Variants in GJA1 observed in about 807,000 individuals in gnomAD.
The protein encoded by GJA1 is gap junction alpha-1 protein.
A neutral mutation model predicts 31.0 loss-of-function variants in GJA1; 9 were observed. The ratio of observed to expected loss-of-function variants is 0.29; its 90% confidence interval spans 0.17 to 0.51. The LOEUF (loss-of-function observed/expected upper bound fraction) is 0.51. Among genes scored for constraint, GJA1 ranks in the 20% least tolerant of loss-of-function variants. The pLI, the probability that GJA1 is intolerant of heterozygous loss-of-function variation, is 0.98. For missense variants in GJA1, 278 were observed against 468.8 expected (o/e 0.59, Z 3.76); for synonymous variants, 186 against 180.1 (o/e 1.03, Z -0.26).
rs531882495 is a variant in GJA1, at chr6:121,449,182, G to A, written c.*1186G>A. On this transcript the variant is annotated 3_prime_UTR_variant, in exon 2 of 2. Coordinates refer to ENST00000282561, the MANE Select transcript of GJA1 (RefSeq NM_000165.5). Reference sequence around the variant, plus strand: ...TTGATGCTTGAATGATAGAATTTTAGTACTGTAAACAGGCTTTAGTCATTA... The same window carrying A: ...TTGATGCTTGAATGATAGAATTTTAATACTGTAAACAGGCTTTAGTCATTA... The A allele has an allele frequency of 1.1e-4, 19 of 167,034 alleles. No homozygotes were observed. The South Asian group carries it at 3.5e-3, about 31-fold the overall frequency. 10.3% of individuals were successfully genotyped at this position (167,034 alleles called of 1,614,324 possible). A position where few individuals can be genotyped will look rare whatever the true frequency, so the allele number is the denominator to read the frequency against.
chr6:121,439,289 A>C (rs1471411093), intron 1 of GJA1, among the ~76,000 whole-genome samples: 1 of 152,258 alleles, frequency 6.6e-6, no homozygotes, highest in Non-Finnish European at 1.5e-5. Context: ...TACTAAGAGC[A>C]TCACATGCAT....
At chr6:121,442,932 C>A (rs1206646248) in intron 1 of GJA1, among the ~76,000 whole-genome samples, 2 of 152,138 alleles carry the variant, frequency 1.3e-5, no homozygotes, top group Admixed American at 1.3e-4. Context: ...TTAGACAGAC[C>A]TTGGTCTACA....
chr6:121,446,233 TGTG>T (rs560827646), intron 1 of GJA1, among the ~76,000 whole-genome samples: 130 of 152,004 alleles, frequency 8.6e-4, no homozygotes, highest in African/African-American at 3.0e-3. Context: ...AGGCGGAAGT[TGTG>T]GTGAGCTGAG....
chr6:121,448,068 G>C lies in GJA1; in HGVS notation c.*72G>C, dbSNP rs1186181940. On this transcript the variant is annotated 3_prime_UTR_variant, in exon 2 of 2. Transcript: ENST00000282561. The stretch of plus-strand genomic sequence containing the variant: ...AAAAGGTGCTGTAGAAAGTGCACCA[G>C]GTGTTAATTTTGATCCGGTGGAGGT... The C allele has an allele frequency of 7.3e-7, 1 of 1,368,464 alleles. No homozygotes were observed. The highest frequency in any genetic ancestry group is 2.3e-5 in the East Asian group (1 of 43,778). The allele number at this position is 1,368,464 out of a possible 1,614,324, so 84.8% of individuals were successfully genotyped here. A position where few individuals can be genotyped will look rare whatever the true frequency, so the allele number is the denominator to read the frequency against.
rs1366131369 is a variant in GJA1, at chr6:121,447,529, C to T, written c.682C>T (p.Leu228Phe). ...GTCCCTGGCCTTGAATATCATTGAA[C>T]TCTTCTATGTTTTCTTCAAGGGCGT... Reference protein sequence around the residue: ...LVSLALNIIELFYVFFKGVKD... With the variant: ...LVSLALNIIEFFYVFFKGVKD... Residue 228 changes from leucine to phenylalanine, a missense_variant, in exon 2 of 2, where the codon CTC becomes TTC. Around this residue, in one of 3 missense-constraint regions of GJA1, gnomAD observed 80 missense variants for 163.5 expected, o/e 0.49. Coordinates refer to ENST00000282561, the MANE Select transcript of GJA1 (RefSeq NM_000165.5). The T allele has an allele frequency of 1.9e-6, 3 of 1,613,616 alleles. No individual in the cohort carries two copies. The highest frequency in any genetic ancestry group is 2.5e-6 in the Non-Finnish European group (3 of 1,179,654).
intron 1 of GJA1, among the ~76,000 whole-genome samples, chr6:121,444,100 C>A (rs1026341418): frequency 6.6e-6 from 1 of 152,088 alleles, no homozygotes; most frequent in Non-Finnish European, 1.5e-5. Flanking sequence ...CTCTCACCAT[C>A]AAACTGTCCA....
intron 1 of GJA1, among the ~76,000 whole-genome samples, chr6:121,436,184 T>TGGCG (rs201190467): frequency 3.3e-5 from 1 of 29,888 alleles, no homozygotes; most frequent in Non-Finnish European, 7.4e-5. Context: ...ATTTGTTGGG[T>TGGCG]GGGGGGGGGG....
chr6:121,440,201 T>G (rs896346673), intron 1 of GJA1, among the ~76,000 whole-genome samples: 1 of 145,362 alleles, frequency 6.9e-6, no homozygotes, highest in African/African-American at 2.8e-5. Flanking sequence ...ACAGTTGTGT[T>G]TTTTCCTTTT....
intron 1 of GJA1, among the ~76,000 whole-genome samples, chr6:121,444,705 T>G (rs1773855349): frequency 6.6e-6 from 1 of 152,260 alleles, no homozygotes; most frequent in African/African-American, 2.4e-5. Flanking sequence ...ATCCTACCTT[T>G]AGATACTCTA....
chr6:121,444,634 A>G lies in GJA1; in HGVS notation c.-16-2198A>G, dbSNP rs532663886. Among the ~76,000 whole-genome samples, 7 of 152,346 alleles carry G rather than the reference A, an allele frequency of 4.6e-5. No homozygotes were observed. In the South Asian group the frequency reaches 1.4e-3, roughly 32 times the overall value. On this transcript the variant is annotated intron_variant, in intron 1 of 1. Transcript: ENST00000282561. The stretch of plus-strand genomic sequence containing the variant: ...CAAGGAGATACAGCTCAATAGTTCA[A>G]CACCAGAAGAGAAACTCCTTTATAT...
intron 1 of GJA1, among the ~76,000 whole-genome samples, chr6:121,444,357 T>A (rs928571006): frequency 6.6e-6 from 1 of 152,198 alleles, no homozygotes; most frequent in Non-Finnish European, 1.5e-5. Context: ...CCTCCCACTC[T>A]TACTCAGCAT....
At chr6:121,436,579 G>A (rs1234409743) in intron 1 of GJA1, among the ~76,000 whole-genome samples, 2 of 152,228 alleles carry the variant, frequency 1.3e-5, no homozygotes, top group African/African-American at 4.8e-5. Context: ...GGCAGTTTAG[G>A]AGATGAAATC....
In GJA1 at chr6:121,447,091, A is replaced by G. The variant is rs1466665249; in HGVS notation, c.244A>G (p.Ile82Val). ...TCATGTGCGCTTCTGGGTCCTGCAG[A>G]TCATATTTGTGTCTGTACCCACACT... ...ISHVRFWVLQ[I>V]IFVSVPTLLY... Residue 82 changes from isoleucine (I) to valine (V), a missense_variant, in exon 2 of 2, where the codon ATC (isoleucine) becomes GTC (valine). Physicochemically the swap from Ile to Val is conservative, Grantham distance 29. This residue lies in a region of GJA1 where 26 missense variants were observed against 114.4 expected (regional missense o/e 0.23). Transcript: ENST00000282561. 1 of 1,613,890 alleles carries G rather than the reference A, an allele frequency of 6.2e-7. No homozygotes were observed. Among genetic ancestry groups the G allele is most frequent in the Non-Finnish European group, 8.5e-7 (1 of 1,179,854 alleles).
chr6:121,448,241 T>G lies in GJA1; in HGVS notation c.*245T>G, dbSNP rs889107668. 3.7e-5 allele frequency: 21 copies of G among 567,028 alleles called. No homozygotes were observed. Among genetic ancestry groups the G allele is most frequent in the African/African-American group, 2.6e-4 (14 of 53,046 alleles). The allele number at this position is 567,028 out of a possible 1,614,324, so 35.1% of individuals were successfully genotyped here. A position where few individuals can be genotyped will look rare whatever the true frequency, so the allele number is the denominator to read the frequency against. ...ATTTAAAGTAGTGGATTCAAAGAAC[T>G]TAGATTATAAATAAGAGTTCCATTA... On this transcript the variant is annotated 3_prime_UTR_variant, in exon 2 of 2. Coordinates refer to ENST00000282561, the MANE Select transcript of GJA1 (RefSeq NM_000165.5).
At chr6:121,438,453 A>C (rs941667127) in intron 1 of GJA1, among the ~76,000 whole-genome samples, 4 of 152,216 alleles carry the variant, frequency 2.6e-5, no homozygotes, top group Admixed American at 1.3e-4. Context: ...AGATGTTTCC[A>C]ATTCCTGCAT....
intron 1 of GJA1, among the ~76,000 whole-genome samples, chr6:121,445,156 T>A (rs1437313691): frequency 6.6e-6 from 1 of 152,198 alleles, no homozygotes; most frequent in Non-Finnish European, 1.5e-5. Flanking sequence ...TTCTACTGAC[T>A]TACATCTTTT....
At chr6:121,445,362 G>T (rs1411293886) in intron 1 of GJA1, among the ~76,000 whole-genome samples, 1 of 152,162 alleles carries the variant, frequency 6.6e-6, no homozygotes. Context: ...AGCCAGGATG[G>T]TCTGAATCTC....
chr6:121,444,406 C>G (rs1773849899), intron 1 of GJA1, among the ~76,000 whole-genome samples: 1 of 152,166 alleles, frequency 6.6e-6, no homozygotes, highest in African/African-American at 2.4e-5. Flanking sequence ...CAAATGTACC[C>G]ATGATACCGT....
Position 121,447,238 on chromosome 6 carries a change from G to A in GJA1, c.391G>A (p.Glu131Lys). Residue 131 changes from glutamate (E) to lysine (K), a missense_variant, in exon 2 of 2, where the codon GAG (glutamate) becomes AAG (lysine). Physicochemically the swap from Glu to Lys is moderately conservative, Grantham distance 56. Around this residue, in one of 3 missense-constraint regions of GJA1, gnomAD observed 80 missense variants for 163.5 expected, o/e 0.49. Transcript: ENST00000282561. ...TGTGGACATGCACTTGAAGCAGATT[G>A]AGATAAAGAAGTTCAAGTACGGTAT... ...VNVDMHLKQI[E>K]IKKFKYGIEE... 2 of 1,614,138 alleles carry A rather than the reference G, an allele frequency of 1.2e-6. No individual in the cohort carries two copies. The highest frequency in any genetic ancestry group is 2.2e-5 in the East Asian group (1 of 44,882).
Sources: allele counts gnomAD v4.1 joint callset (sites outside exome capture counted in the v4.1 genomes callset), GRCh38; gene constraint gnomAD v4.1.1; regional missense constraint gnomAD v4.1.1; transcripts MANE v1.5; gene names NCBI Gene and HGNC (gene_info 2026-07-23, HGNC 2026-07-21).